Variants in PCCB observed in about 807,000 individuals in gnomAD.
The protein encoded by PCCB is propionyl-CoA carboxylase beta chain, mitochondrial.
Under a neutral mutation model 60.7 loss-of-function variants are expected in PCCB, and 43 were observed. The observed-to-expected ratio is 0.71, with a 90% confidence interval of 0.55 to 0.91. The LOEUF (loss-of-function observed/expected upper bound fraction) is 0.91. Among genes scored for constraint, PCCB ranks in the 40% least tolerant of loss-of-function variants. The probability of loss-of-function intolerance (pLI) is 0.00; values close to 1 mark genes in which losing one functional copy is unlikely to be tolerated. For synonymous variants in PCCB, 276 were observed against 255.9 expected (o/e 1.08, Z -0.75); for missense variants, 766 against 702.8 (o/e 1.09, Z -1.02).
chr3:136,324,975 C>G (rs1182565158), intron 10 of PCCB, among the ~76,000 whole-genome samples: 2 of 152,206 alleles, frequency 1.3e-5, no homozygotes, highest in Non-Finnish European at 2.9e-5. Context: ...TCACTGCAAC[C>G]TCCTTCTCCC....
chr3:136,321,561 A>G (rs527331371), intron 10 of PCCB, among the ~76,000 whole-genome samples: 1 of 152,336 alleles, frequency 6.6e-6, no homozygotes, highest in South Asian at 2.1e-4. Context: ...TTATAAAACC[A>G]TCAGATCTCA....
intron 9 of PCCB, among the ~76,000 whole-genome samples, chr3:136,308,542 A>T (rs1411105670): frequency 6.6e-6 from 1 of 152,238 alleles, no homozygotes; most frequent in Non-Finnish European, 1.5e-5. Flanking sequence ...AGCAGGTCAA[A>T]TGGACAAAAG....
In PCCB at chr3:136,327,121, T is replaced by C. The variant is rs1935348100; in HGVS notation, c.1199-34T>C. ...AGTGGCAGGATAACCATGTGAGGAC[T>C]TGTGGGTATCTAGTAACTCTTCCTC... On this transcript the variant is annotated intron_variant, in intron 11 of 14. Transcript: ENST00000251654. 5.7e-6 allele frequency: 9 copies of C among 1,583,740 alleles called. No individual in the cohort carries two copies. The East Asian group carries it at 1.8e-4, about 32-fold the overall frequency.
At chr3:136,291,504 T>C (rs1464722333) in intron 6 of PCCB, among the ~76,000 whole-genome samples, 1 of 152,156 alleles carries the variant, frequency 6.6e-6, no homozygotes, top group Non-Finnish European at 1.5e-5. Context: ...TTCTGTAGTC[T>C]TATGAGTAGG....
rs1941704672 is a variant in PCCB, at chr3:136,257,536, A to G, written c.372+913A>G. The stretch of plus-strand genomic sequence containing the variant: ...TTTGTTATAGCGGTAATAGAAAACT[A>G]ACACAGAATATGTTGTGTACTATTT... On this transcript the variant is annotated intron_variant, in intron 3 of 14. Transcript: ENST00000251654. Among the ~76,000 whole-genome samples the G allele has an allele frequency of 2.0e-5, 3 of 152,210 alleles. No individual in the cohort carries two copies. The South Asian group carries it at 6.2e-4, about 32-fold the overall frequency.
intron 8 of PCCB, among the ~76,000 whole-genome samples, chr3:136,300,050 A>T (rs1026485499): frequency 6.6e-6 from 1 of 151,460 alleles, no homozygotes. Flanking sequence ...ATGCATGCCC[A>T]CACACATGCA....
intron 9 of PCCB, among the ~76,000 whole-genome samples, chr3:136,301,552 C>T (rs1934282625): frequency 6.6e-6 from 1 of 152,016 alleles, no homozygotes; most frequent in Non-Finnish European, 1.5e-5. Flanking sequence ...CCGTGGGAGA[C>T]AGGAGCCATT....
rs1173654743 is a variant in PCCB at position 136,305,240 on chromosome 3, G to A, written c.966+4129G>A. ...CTCTCAAGTAGCTGGGATTACAGGT[G>A]TGTGCCACCATGCCTGGCTAATTTT... On this transcript the variant is annotated intron_variant, in intron 9 of 14. Coordinates refer to ENST00000251654, the MANE Select transcript of PCCB (RefSeq NM_000532.5). Among the ~76,000 whole-genome samples the A allele has an allele frequency of 3.4e-5, 4 of 117,978 alleles. 1 individual carries two copies. The highest frequency in any genetic ancestry group is 7.5e-5 in the Non-Finnish European group (4 of 53,188). 77.4% of individuals were successfully genotyped at this position (117,978 alleles called of 152,430 possible). A position where few individuals can be genotyped will look rare whatever the true frequency, so the allele number is the denominator to read the frequency against.
chr3:136,312,100 G>C (rs1170042668), intron 9 of PCCB, among the ~76,000 whole-genome samples: 1 of 152,228 alleles, frequency 6.6e-6, no homozygotes, highest in East Asian at 1.9e-4. Context: ...CAGTGGAATA[G>C]AATAAAAGAG....
At chr3:136,321,617 C>A (rs1019432343) in intron 10 of PCCB, among the ~76,000 whole-genome samples, 1 of 152,180 alleles carries the variant, frequency 6.6e-6, no homozygotes, top group Non-Finnish European at 1.5e-5. Context: ...GAAAACCACC[C>A]CCATGATCCA....
rs546376888 is a variant in PCCB, at chr3:136,253,461, T to C, written c.184-2395T>C. ...GTGCGGTGGAGTGATCGTGGCTCAC[T>C]ACAACCTCTGCTTCCCAGGTTCAAG... On this transcript the variant is annotated intron_variant, in intron 1 of 14. Transcript: ENST00000251654. Among the ~76,000 whole-genome samples, 432 of 151,750 alleles carry C rather than the reference T, an allele frequency of 2.8e-3. 4 individuals carry two copies. The highest frequency in any genetic ancestry group is 4.3e-3 in the Non-Finnish European group (294 of 67,818).
At chr3:136,266,366 C>T (rs1470068987) in intron 5 of PCCB, among the ~76,000 whole-genome samples, 2 of 151,692 alleles carry the variant, frequency 1.3e-5, no homozygotes, top group Admixed American at 6.6e-5. Context: ...TGACTTCAAA[C>T]GATCCATCTG....
At chr3:136,264,707 A>T (rs572383204) in intron 5 of PCCB, among the ~76,000 whole-genome samples, 17 of 149,522 alleles carry the variant, frequency 1.1e-4, no homozygotes, top group Non-Finnish European at 2.1e-4. Context: ...CCCCATCTCT[A>T]CTAAAAAAAA....
intron 5 of PCCB, among the ~76,000 whole-genome samples, chr3:136,273,168 T>C (rs183006122): frequency 9.8e-4 from 149 of 152,320 alleles, no homozygotes; most frequent in Admixed American, 4.1e-3. Flanking sequence ...TCCACTGTAG[T>C]CTGAGAAGAT....
chr3:136,313,923 G>T (rs1398318667), intron 9 of PCCB, among the ~76,000 whole-genome samples: 1 of 152,250 alleles, frequency 6.6e-6, no homozygotes, highest in East Asian at 1.9e-4. Context: ...AATATGGCAA[G>T]AGAAAAAAAT....
chr3:136,306,069 G>T lies in PCCB; in HGVS notation c.966+4958G>T, dbSNP rs1336341818. On this transcript the variant is annotated intron_variant, in intron 9 of 14. Transcript: ENST00000251654. Reference sequence around the variant, plus strand: ...CACTTTGCTATACTGACAGAAGAGGGTGCTCTTGAACTAGGATTTTTGTTC... The same window carrying T: ...CACTTTGCTATACTGACAGAAGAGGTTGCTCTTGAACTAGGATTTTTGTTC... Among the ~76,000 whole-genome samples the T allele has an allele frequency of 4.1e-5, 5 of 122,866 alleles. 2 individuals are homozygous for T. The highest frequency in any genetic ancestry group is 1.2e-3 in the East Asian group (2 of 1,700). 80.6% of individuals were successfully genotyped at this position (122,866 alleles called of 152,430 possible).
Position 136,260,512 on chromosome 3 carries a change from G to T in PCCB, c.406G>T (p.Ala136Ser). The T allele has an allele frequency of 6.2e-7, 1 of 1,613,678 alleles. No individual in the cohort carries two copies. Among genetic ancestry groups the T allele is most frequent in the South Asian group, 1.1e-5 (1 of 91,008 alleles). Residue 136 changes from alanine (A) to serine (S), a missense_variant, in exon 4 of 15, where the codon GCA becomes TCA. Ala to Ser is a moderately conservative substitution (Grantham distance 99). Coordinates refer to ENST00000251654, the MANE Select transcript of PCCB (RefSeq NM_000532.5). ...FTVFGGSLSG[A>S]HAQKICKIMD... is the part of the protein sequence containing the mutation. ...AGTTTTTGGAGGCAGTCTGTCAGGA[G>T]CACATGCCCAAAAGATCTGCAAAGT... is the stretch of plus-strand genomic sequence containing the variant.
intron 1 of PCCB, 30 bp downstream of exon 1, chr3:136,250,588 G>A: frequency 6.3e-7 from 1 of 1,586,696 alleles, no homozygotes; most frequent in Non-Finnish European, 8.6e-7. Flanking sequence ...AGTGAGTCCC[G>A]CCCCTGGCGT....
At chr3:136,321,590 C>G (rs2108231555) in intron 10 of PCCB, among the ~76,000 whole-genome samples, 1 of 152,324 alleles carries the variant, frequency 6.6e-6, no homozygotes, top group Non-Finnish European at 1.5e-5. Flanking sequence ...CACACACTAT[C>G]ACGAGAACAG....
Sources: allele counts gnomAD v4.1 joint callset (sites outside exome capture counted in the v4.1 genomes callset), GRCh38; gene constraint gnomAD v4.1.1; transcripts MANE v1.5; gene names NCBI Gene and HGNC (gene_info 2026-07-23, HGNC 2026-07-21).